CHEK2: variants seen among roughly 807,000 people sequenced by gnomAD.
The protein encoded by CHEK2 is checkpoint kinase 2.
Under a neutral mutation model 69.1 loss-of-function variants are expected in CHEK2, and 71 were observed. The ratio of observed to expected loss-of-function variants is 1.03; its 90% CI spans 0.85 to 1.25. CHEK2 has a LOEUF of 1.25. Ranked by LOEUF, CHEK2 falls within the 50% of genes most tolerant of loss-of-function variation. CHEK2 has a pLI of 0.00. For missense variants in CHEK2, 664 were observed against 649.6 expected (o/e 1.02, Z -0.24); for synonymous variants, 189 against 226.9 (o/e 0.83, Z 1.50).
At chr22:28,689,897 G>A (rs2346875) in intron 13 of CHEK2, among the ~76,000 whole-genome samples, 2 of 152,146 alleles carry the variant, frequency 1.3e-5, no homozygotes, top group Non-Finnish European at 2.9e-5. Context: ...TGCAGGGTTC[G>A]AGGATTTGCA....
Position 28,707,898 on chromosome 22 carries a change from A to G in CHEK2, c.846+2108T>C, listed in dbSNP as rs912316821. Among the ~76,000 whole-genome samples the G allele has an allele frequency of 6.6e-5, 9 of 137,154 alleles. No homozygotes were observed. The South Asian group carries it at 1.6e-3, about 25-fold the overall frequency. 90.0% of individuals were successfully genotyped at this position (137,154 alleles called of 152,430 possible). A position where few individuals can be genotyped will look rare whatever the true frequency, so the allele number is the denominator to read the frequency against. On this transcript the variant is annotated intron_variant, in intron 7 of 14. Coordinates refer to ENST00000404276, the MANE Select transcript of CHEK2 (RefSeq NM_007194.4). ...GTTGCCCAGGCTGGAGTGCAGTGGCACAATCTCGGCTCACTGCAAGCTCCG... is the reference window on the plus strand; with the variant it reads ...GTTGCCCAGGCTGGAGTGCAGTGGCGCAATCTCGGCTCACTGCAAGCTCCG...
intron 4 of CHEK2, among the ~76,000 whole-genome samples, chr22:28,722,019 C>A (rs1471063494): frequency 6.6e-6 from 1 of 152,064 alleles, no homozygotes; most frequent in Non-Finnish European, 1.5e-5. Flanking sequence ...GCATGAGCTA[C>A]CACGCCAGCC....
intron 14 of CHEK2, among the ~76,000 whole-genome samples, chr22:28,688,459 A>G (rs1205021480): frequency 1.3e-5 from 2 of 152,262 alleles, no homozygotes; most frequent in Non-Finnish European, 2.9e-5. Flanking sequence ...GCTTCAGGTC[A>G]AAAGTTCGAG....
At chr22:28,737,152 C>A in intron 1 of CHEK2, 1 of 343,124 alleles carries the variant, frequency 2.9e-6, no homozygotes. Context: ...AGATCCAAGA[C>A]CCCCCAGTGG....
At chr22:28,731,309 A>G (rs1465349805) in intron 2 of CHEK2, among the ~76,000 whole-genome samples, 1 of 152,194 alleles carries the variant, frequency 6.6e-6, no homozygotes, top group Admixed American at 6.6e-5. Flanking sequence ...ATAATAATAA[A>G]CAGCCTCGGC....
At chr22:28,730,042 A>G (rs949247917) in intron 2 of CHEK2, among the ~76,000 whole-genome samples, 11 of 150,036 alleles carry the variant, frequency 7.3e-5, no homozygotes, top group Admixed American at 6.7e-4. Context: ...ACGGGGTTTC[A>G]CCATGTTGGC....
intron 1 of CHEK2, chr22:28,737,351 G>A (rs1400277129): frequency 6.7e-6 from 3 of 449,006 alleles, no homozygotes; most frequent in African/African-American, 6.2e-5. Flanking sequence ...ACACTTTACA[G>A]CTTCTCTTTA....
At chr22:28,690,464 A>T (rs1278576437) in intron 13 of CHEK2, among the ~76,000 whole-genome samples, 1 of 151,962 alleles carries the variant, frequency 6.6e-6, no homozygotes, top group Non-Finnish European at 1.5e-5. Flanking sequence ...CCCCTTCTCT[A>T]CTAAAAATAC....
At position 28,688,397 on chromosome 22, in the gene CHEK2, G is replaced by A. The variant is rs139467994; in HGVS notation, c.1543-411C>T. 0.042 allele frequency among the ~76,000 whole-genome samples: 6,391 copies of A among 152,180 alleles called. 42 individuals are homozygous for A. Among genetic ancestry groups the A allele is most frequent in the African/African-American group, 0.057 (2,360 of 41,514 alleles). On this transcript the variant is annotated intron_variant, in intron 14 of 14. Coordinates refer to ENST00000404276, the MANE Select transcript of CHEK2 (RefSeq NM_007194.4). The stretch of plus-strand genomic sequence containing the variant: ...TAAAATTGGGAGGAAGGCTGGGTGC[G>A]GTGACTCACAGCTGTAATCCCAGCA...
intron 5 of CHEK2, among the ~76,000 whole-genome samples, chr22:28,715,749 A>C (rs1305882905): frequency 6.6e-6 from 1 of 152,078 alleles, no homozygotes; most frequent in African/African-American, 2.4e-5. Flanking sequence ...AAAGCCAGTA[A>C]ATTTTTTCTC....
At position 28,731,207 on chromosome 22, in the gene CHEK2, TAAAC is replaced by T. The variant is rs201904190; in HGVS notation, c.319+3192_319+3195del. Among the ~76,000 whole-genome samples the T allele has an allele frequency of 8.7e-3, 1,293 of 149,080 alleles. 17 individuals are homozygous for T. Among genetic ancestry groups the T allele is most frequent in the African/African-American group, 0.027 (1,098 of 40,426 alleles). ...GACAGAGTGAGATCCTGTCTCAAAA[TAAAC>T]AAACAAACAAACAAACAAAAATTTA... On this transcript the variant is annotated intron_variant, in intron 2 of 14. Transcript: ENST00000404276.
intron 7 of CHEK2, among the ~76,000 whole-genome samples, chr22:28,704,204 C>T (rs1386771344): frequency 6.6e-6 from 1 of 151,542 alleles, no homozygotes; most frequent in Non-Finnish European, 1.5e-5. Flanking sequence ...ATGCAGGGTG[C>T]ATGGAGAACA....
intron 7 of CHEK2, among the ~76,000 whole-genome samples, chr22:28,709,188 G>A (rs2053293998): frequency 1.3e-5 from 2 of 151,902 alleles, no homozygotes; most frequent in African/African-American, 4.8e-5. Context: ...ATTTTTCATT[G>A]AGACATAGTC....
intron 1 of CHEK2, 28 bp downstream of exon 1, chr22:28,741,741 C>T: frequency 2.9e-6 from 1 of 342,346 alleles, no homozygotes; most frequent in South Asian, 3.4e-5. Flanking sequence ...CCACCAAACA[C>T]CCAACAGAAG....
chr22:28,700,448 C>T (rs1293037061), intron 8 of CHEK2, among the ~76,000 whole-genome samples: 1 of 152,096 alleles, frequency 6.6e-6, no homozygotes, highest in African/African-American at 2.4e-5. Flanking sequence ...TTCCTGGCCT[C>T]AAGTGATCTG....
intron 1 of CHEK2, among the ~76,000 whole-genome samples, chr22:28,737,014 G>C (rs2054430596): frequency 6.6e-6 from 1 of 151,980 alleles, no homozygotes; most frequent in African/African-American, 2.4e-5. Flanking sequence ...ATCCACTGCT[G>C]ACCTAATCGG....
At chr22:28,737,396 G>T (rs981636971) in intron 1 of CHEK2, 2 of 401,102 alleles carry the variant, frequency 5.0e-6, no homozygotes, top group Non-Finnish European at 1.0e-5. Flanking sequence ...TTGCTTTGGG[G>T]CCATTATTAA....
chr22:28,702,135 C>CTGTGTG (rs141703411), intron 8 of CHEK2, among the ~76,000 whole-genome samples: 20,003 of 140,230 alleles, frequency 0.14, 1,529 homozygotes, highest in South Asian at 0.18. Context: ...GTGTGTGTGT[C>CTGTGTG]TGTGTGTGTG....
At chr22:28,717,056 TA>T (rs2053611116) in intron 5 of CHEK2, among the ~76,000 whole-genome samples, 1 of 152,184 alleles carries the variant, frequency 6.6e-6, no homozygotes, top group African/African-American at 2.4e-5. Flanking sequence ...CTCTTCTCAC[TA>T]ATCTTTTTAA....
Sources: gnomAD v4.1 joint callset for allele counts (sites outside exome capture counted in the v4.1 genomes callset) on GRCh38, gnomAD v4.1.1 for gene constraint, MANE v1.5 for transcripts, NCBI Gene and HGNC (gene_info 2026-07-23, HGNC 2026-07-21) for gene names.